The following RRP12 variants were observed in gnomAD, a reference collection of about 807,000 sequenced individuals.
RRP12 encodes RRP12-like protein.
Under a neutral mutation model 157.3 loss-of-function variants are expected in RRP12, and 78 were observed. That is an observed-to-expected ratio of 0.50 (90% CI 0.41 to 0.60). The LOEUF (loss-of-function observed/expected upper bound fraction) is 0.60. Among genes scored for constraint, RRP12 ranks in the 20% least tolerant of loss-of-function variants. The probability of loss-of-function intolerance (pLI) is 0.00; values close to 1 mark genes in which losing one functional copy is unlikely to be tolerated. For synonymous variants in RRP12, 726 were observed against 670.9 expected, an observed-to-expected ratio of 1.08 and a Z score of -1.27; for missense variants, 1,521 against 1,679.9, an observed-to-expected ratio of 0.91 and a Z score of 1.65.
At position 97,400,335 on chromosome 10, in the gene RRP12, G is replaced by C; in HGVS notation, c.339C>G (p.Phe113Leu). ...TGTGGGCAGCCGAGTTGGACTCCCAGAAGCGCTGTACTTTGCTGAAGGTGA... is the reference window on the plus strand; with the variant it reads ...TGTGGGCAGCCGAGTTGGACTCCCACAAGCGCTGTACTTTGCTGAAGGTGA... ...TNVTFSKVQR[F>L]WESNSAAHKE... Residue 113 changes from phenylalanine to leucine, a missense_variant, in exon 2 of 34, where the codon TTC becomes TTG. By Grantham distance (22) the Phe-to-Leu change is conservative. Transcript: ENST00000370992. 1 of 1,613,976 alleles carries C rather than the reference G, an allele frequency of 6.2e-7. No individual in the cohort carries two copies. Among genetic ancestry groups the C allele is most frequent in the Non-Finnish European group, 8.5e-7 (1 of 1,180,008 alleles).
At chr10:97,390,111 G>A (rs1844759428) in intron 6 of RRP12, among the ~76,000 whole-genome samples, 1 of 152,262 alleles carries the variant, frequency 6.6e-6, no homozygotes, top group Admixed American at 6.5e-5. Flanking sequence ...TCCAACTCAG[G>A]TCTGTGTGAC....
intron 25 of RRP12, among the ~76,000 whole-genome samples, chr10:97,368,622 T>C (rs2133043204): frequency 6.6e-6 from 1 of 152,294 alleles, no homozygotes; most frequent in South Asian, 2.1e-4. Flanking sequence ...CCTCCCAAAG[T>C]GGTGGGGTTA....
At chr10:97,396,425 A>G in intron 2 of RRP12, 124 bp from the exon 3 acceptor site, 1 of 752,808 alleles carries the variant, frequency 1.3e-6, no homozygotes, top group South Asian at 1.5e-5. Context: ...AAGACAGGCA[A>G]CATTCAGGGC....
In RRP12 at chr10:97,379,395, G is replaced by C. The variant is rs754208643; in HGVS notation, c.1696C>G (p.Arg566Gly). 6.2e-7 allele frequency: 1 copy of C among 1,614,092 alleles called. No homozygotes were observed. Reference protein sequence around the residue: ...DGSEETLDFPRSWLLPVIRDH... With the variant: ...DGSEETLDFPGSWLLPVIRDH... ...CGGATGACAGGCAGCAGCCAGCTCC[G>C]TGGGAAATCCAGAGTCTCCCTGGGA... is the stretch of plus-strand genomic sequence containing the variant. Residue 566 changes from arginine (R) to glycine (G), a missense_variant, in exon 15 of 34, where the codon CGG (arginine) becomes GGG (glycine). Physicochemically the swap from Arg to Gly is moderately radical, Grantham distance 125. Coordinates refer to ENST00000370992, the MANE Select transcript of RRP12 (RefSeq NM_015179.4).
Position 97,401,076 on chromosome 10 carries a change from G to A in RRP12, c.139+17C>T. The A allele has an allele frequency of 6.2e-7, 1 of 1,611,730 alleles. No individual in the cohort carries two copies. Among genetic ancestry groups the A allele is most frequent in the Non-Finnish European group, 8.5e-7 (1 of 1,179,082 alleles). On this transcript the variant is annotated intron_variant, in intron 1 of 33. Coordinates refer to ENST00000370992, the MANE Select transcript of RRP12 (RefSeq NM_015179.4). ...GGAACCCCGCCCCCGGCTGCGCTCGGGTCTCAACCCAGCTACCTGACGGCC... is the reference window on the plus strand; with the variant it reads ...GGAACCCCGCCCCCGGCTGCGCTCGAGTCTCAACCCAGCTACCTGACGGCC...
intron 3 of RRP12, among the ~76,000 whole-genome samples, chr10:97,395,726 C>T (rs1179325537): frequency 6.6e-6 from 1 of 151,808 alleles, no homozygotes; most frequent in Non-Finnish European, 1.5e-5. Context: ...TGGTGTGCAC[C>T]TGTAATCCCA....
In RRP12 at chr10:97,366,903, C is replaced by T; in HGVS notation, c.3054G>A (p.Glu1018=). Residue 1018 remains glutamate, a synonymous_variant, in exon 27 of 34, where the codon GAG becomes GAA. Transcript: ENST00000370992. ...FTKFIRKFGF[E]LVKRLLPEEY... The stretch of plus-strand genomic sequence containing the variant: ...CCTCGGGCAACAGCCTTTTCACCAG[C>T]TCAAATCTGGAGGTGGCAAGGAAGG... 1 of 1,613,122 alleles carries T rather than the reference C, an allele frequency of 6.2e-7. No homozygotes were observed. Among genetic ancestry groups the T allele is most frequent in the African/African-American group, 1.3e-5 (1 of 75,042 alleles).
At position 97,372,003 on chromosome 10, in the gene RRP12, G is replaced by C. The variant is rs1844168750; in HGVS notation, c.2343+70C>G. ...AGCAAGGGACAAAGACATGAAGACA[G>C]GCCCCACCTTCCCACAGCCCATCTG... is the stretch of plus-strand genomic sequence containing the variant. On this transcript the variant is annotated intron_variant, in intron 20 of 33. Transcript: ENST00000370992. The C allele has an allele frequency of 8.5e-6, 9 of 1,062,870 alleles. No homozygotes were observed. The South Asian group carries it at 1.2e-4, about 14-fold the overall frequency. 65.8% of individuals were successfully genotyped at this position (1,062,870 alleles called of 1,614,324 possible). A position where few individuals can be genotyped will look rare whatever the true frequency, so the allele number is the denominator to read the frequency against.
At chr10:97,363,781 G>T in intron 30 of RRP12, 73 bp downstream of exon 30, 1 of 1,309,094 alleles carries the variant, frequency 7.6e-7, no homozygotes, top group Non-Finnish European at 1.1e-6. Context: ...GTCTACGTGT[G>T]GTGGGGGTGA....
intron 30 of RRP12, among the ~76,000 whole-genome samples, chr10:97,361,368 C>T (rs1049073678): frequency 3.3e-5 from 5 of 152,206 alleles, no homozygotes; most frequent in African/African-American, 9.6e-5. Context: ...CAGGCAGAGG[C>T]GTGCTGTGCA....
chr10:97,366,928 G>A lies in RRP12; in HGVS notation c.3048-19C>T. 6.2e-7 allele frequency: 1 copy of A among 1,610,956 alleles called. No individual in the cohort carries two copies. Among genetic ancestry groups the A allele is most frequent in the Non-Finnish European group, 8.5e-7 (1 of 1,177,756 alleles). On this transcript the variant is annotated intron_variant, in intron 26 of 33. Transcript: ENST00000370992. ...CTCAAATCTGGAGGTGGCAAGGAAG[G>A]GCTGGTGAGAGGCACTGGCCAGACA...
intron 25 of RRP12, 182 bp from the exon 26 acceptor site, chr10:97,367,314 T>C: frequency 1.7e-6 from 1 of 605,978 alleles, no homozygotes. Context: ...GCCCCATCTT[T>C]CCCCTGCACC....
At chr10:97,388,673 G>C in intron 6 of RRP12, 49 bp from the exon 7 acceptor site, 1 of 1,596,668 alleles carries the variant, frequency 6.3e-7, no homozygotes, top group Non-Finnish European at 8.6e-7. Flanking sequence ...CGTTCCACCA[G>C]CATCTTGGGT....
intron 11 of RRP12, 63 bp downstream of exon 11, chr10:97,381,652 G>A: frequency 6.9e-7 from 1 of 1,447,100 alleles, no homozygotes; most frequent in South Asian, 1.2e-5. Context: ...CCAGTGCTGG[G>A]AAAGACAGGG....
At chr10:97,396,157 C>G in intron 3 of RRP12, 61 bp downstream of exon 3, 1 of 1,211,624 alleles carries the variant, frequency 8.3e-7, no homozygotes, top group Non-Finnish European at 1.2e-6. Context: ...CACTCATCTT[C>G]TCGCTAAATC....
chr10:97,363,762 A>G, intron 30 of RRP12, 92 bp downstream of exon 30: 1 of 1,143,892 alleles, frequency 8.7e-7, no homozygotes. Context: ...GAAACAGGGC[A>G]GTTCCAATGT....
intron 15 of RRP12, among the ~76,000 whole-genome samples, chr10:97,376,811 G>A (rs780087569): frequency 6.6e-6 from 1 of 151,986 alleles, no homozygotes; most frequent in Admixed American, 6.6e-5. Context: ...CCTAGACCAG[G>A]AGTCAGCCAA....
intron 32 of RRP12, 107 bp downstream of exon 32, chr10:97,358,836 G>T: frequency 1.0e-6 from 1 of 952,800 alleles, no homozygotes; most frequent in Non-Finnish European, 1.7e-6. Context: ...CCTCAGTTGA[G>T]TTCCAGGAAG....
Position 97,388,545 on chromosome 10 carries a change from T to A in RRP12, c.833A>T (p.His278Leu). Residue 278 changes from histidine to leucine, a missense_variant, in exon 7 of 34, where the codon CAT (histidine) becomes CTT (leucine). Coordinates refer to ENST00000370992, the MANE Select transcript of RRP12 (RefSeq NM_015179.4). ...EFMFEKAPAH[H>L]PAAISTAKFC... Reference sequence around the variant, plus strand: ...CTTGGCAGTGGAAATGGCAGCAGGATGATGGGCAGGGGCCTTTTCAAACAT... The same window carrying A: ...CTTGGCAGTGGAAATGGCAGCAGGAAGATGGGCAGGGGCCTTTTCAAACAT... 6.2e-7 allele frequency: 1 copy of A among 1,614,144 alleles called. No individual in the cohort carries two copies. The highest frequency in any genetic ancestry group is 8.5e-7 in the Non-Finnish European group (1 of 1,180,038).
Sources: gnomAD v4.1 joint callset for allele counts (sites outside exome capture counted in the v4.1 genomes callset) on GRCh38, gnomAD v4.1.1 for gene constraint, MANE v1.5 for transcripts, NCBI Gene and HGNC (gene_info 2026-07-23, HGNC 2026-07-21) for gene names.